The following MIGA1 variants were observed in gnomAD, a reference collection of about 807,000 sequenced individuals.
MIGA1 encodes family with sequence similarity 73, member A.
A neutral mutation model predicts 82.0 loss-of-function variants in MIGA1; 58 were observed. That is an observed-to-expected ratio of 0.71 (90% CI 0.57 to 0.88). The LOEUF (loss-of-function observed/expected upper bound fraction) is 0.88, where lower values mean the gene tolerates loss of function less well. Ranked by LOEUF, MIGA1 falls within the 40% of genes least tolerant of loss-of-function variation. The pLI, the probability that MIGA1 is intolerant of heterozygous loss-of-function variation, is 0.00. For synonymous variants in MIGA1, 249 were observed against 253.6 expected (o/e 0.98, Z 0.17); for missense variants, 751 against 749.1 (o/e 1.00, Z -0.03).
intron 7 of MIGA1, among the ~76,000 whole-genome samples, chr1:77,831,010 G>A (rs971007815): frequency 7.9e-5 from 12 of 152,194 alleles, no homozygotes; most frequent in Middle Eastern, 3.4e-3. Context: ...CTTCAATACC[G>A]AGCAATTAGA....
intron 8 of MIGA1, among the ~76,000 whole-genome samples, chr1:77,856,762 C>G (rs1422009468): frequency 6.6e-6 from 1 of 152,088 alleles, no homozygotes; most frequent in Non-Finnish European, 1.5e-5. Flanking sequence ...GGGATTTTCT[C>G]TCATCTTTTC....
chr1:77,844,113 A>AAAAATATAT (rs1296124524), intron 8 of MIGA1, among the ~76,000 whole-genome samples: 22 of 90,126 alleles, frequency 2.4e-4, no homozygotes, highest in South Asian at 8.7e-4. Flanking sequence ...AAAAAAAAAA[A>AAAAATATAT]ATATATATAT....
intron 5 of MIGA1, among the ~76,000 whole-genome samples, chr1:77,809,191 C>T (rs1051785205): frequency 3.0e-4 from 46 of 152,192 alleles, no homozygotes; most frequent in African/African-American, 9.2e-4. Context: ...AAACTAGAGA[C>T]GCCACAGGGG....
intron 7 of MIGA1, among the ~76,000 whole-genome samples, chr1:77,828,656 C>CTGTT (rs996102048): frequency 7.9e-5 from 12 of 151,976 alleles, no homozygotes; most frequent in African/African-American, 2.9e-4. Flanking sequence ...GCCAGTAAGT[C>CTGTT]TGTTTGTCTT....
rs533917334 is a variant in MIGA1, at chr1:77,806,545, A to C, written c.511-430A>C. ...AATGATTTGCTCAGTGGACCTTGCTAGGAGAGGGCATTTACAAAGATGATA... is the reference window on the plus strand; with the variant it reads ...AATGATTTGCTCAGTGGACCTTGCTCGGAGAGGGCATTTACAAAGATGATA... On this transcript the variant is annotated intron_variant, in intron 4 of 15. Transcript: ENST00000370791. Among the ~76,000 whole-genome samples the C allele has an allele frequency of 1.2e-4, 19 of 152,346 alleles. No individual in the cohort carries two copies. In the South Asian group the frequency reaches 3.9e-3, roughly 32 times the overall value.
chr1:77,779,740 C>G lies in MIGA1; in HGVS notation c.81+4C>G. 1.9e-6 allele frequency: 3 copies of G among 1,565,740 alleles called. No individual in the cohort carries two copies. The South Asian group carries it at 3.5e-5, about 18-fold the overall frequency. On this transcript the variant is annotated splice_donor_region_variant and intron_variant, in intron 1 of 15. Transcript: ENST00000370791. Reference sequence around the variant, plus strand: ...TGTACCTGGCCTGGAGCTCCAGGTACAGGGCCAGGGGCGGGGTGGGGTGGA... The same window carrying G: ...TGTACCTGGCCTGGAGCTCCAGGTAGAGGGCCAGGGGCGGGGTGGGGTGGA...
In MIGA1 at chr1:77,822,842, T is replaced by G. The variant is rs538159462; in HGVS notation, c.895+7611T>G. Among the ~76,000 whole-genome samples, 8 of 149,452 alleles carry G rather than the reference T, an allele frequency of 5.4e-5. No homozygotes were observed. The East Asian group carries it at 1.4e-3, about 25-fold the overall frequency. On this transcript the variant is annotated intron_variant, in intron 7 of 15. Coordinates refer to ENST00000370791, the MANE Select transcript of MIGA1 (RefSeq NM_198549.4). ...TTTAAATCCTTTCAGCATGTTTTTT[T>G]TTTTTTTTTTTTTTTTCCGAGACAG...
rs1243062263 is a variant in MIGA1 at position 77,802,621 on chromosome 1, T to TA, written c.374-642dup. 2.0e-5 allele frequency among the ~76,000 whole-genome samples: 3 copies of TA among 151,746 alleles called. No individual in the cohort carries two copies. The East Asian group carries it at 5.8e-4, about 29-fold the overall frequency. ...GACCACATCTTTACAAAAATAACAA[T>TA]AAAAAAATTGTTTTTTTTGGTGTGG... On this transcript the variant is annotated intron_variant, in intron 3 of 15. Coordinates refer to ENST00000370791, the MANE Select transcript of MIGA1 (RefSeq NM_198549.4).
intron 15 of MIGA1, among the ~76,000 whole-genome samples, 180 bp from the exon 16 acceptor site, chr1:77,874,666 G>A (rs1646879699): frequency 6.6e-6 from 1 of 151,930 alleles, no homozygotes; most frequent in African/African-American, 2.4e-5. Context: ...AAAAGAAAAT[G>A]AGCCCCCAAA....
chr1:77,785,616 T>C (rs1002781701), intron 2 of MIGA1, among the ~76,000 whole-genome samples: 2 of 152,170 alleles, frequency 1.3e-5, no homozygotes, highest in Admixed American at 1.3e-4. Flanking sequence ...GTACTGGGAT[T>C]ACAGGTGTGA....
intron 8 of MIGA1, chr1:77,848,618 G>T (rs925133717): frequency 1.3e-6 from 2 of 1,488,852 alleles, no homozygotes; most frequent in Non-Finnish European, 1.9e-6. Flanking sequence ...TCATCACTGG[G>T]AGCAAAACAC....
intron 7 of MIGA1, among the ~76,000 whole-genome samples, chr1:77,829,733 A>G (rs1197944263): frequency 6.6e-6 from 1 of 152,080 alleles, no homozygotes; most frequent in African/African-American, 2.4e-5. Context: ...GGCCTCCCAA[A>G]GTCCTGAGAT....
intron 7 of MIGA1, among the ~76,000 whole-genome samples, chr1:77,825,503 T>G (rs1683996126): frequency 6.6e-6 from 1 of 152,190 alleles, no homozygotes; most frequent in Admixed American, 6.6e-5. Context: ...TCAGGTGCCA[T>G]TCTGTGTTGC....
chr1:77,815,828 C>CA (rs1478391356), intron 7 of MIGA1, among the ~76,000 whole-genome samples: 1 of 152,198 alleles, frequency 6.6e-6, no homozygotes. Flanking sequence ...CTATTGGGCT[C>CA]AAGTGATCCA....
intron 12 of MIGA1, among the ~76,000 whole-genome samples, chr1:77,862,853 A>G (rs1166537961): frequency 1.3e-5 from 2 of 151,588 alleles, no homozygotes. Context: ...AGGCAAGAGA[A>G]TCACTTGAAC....
At chr1:77,835,673 T>A (rs1277035338) in intron 7 of MIGA1, among the ~76,000 whole-genome samples, 1 of 152,106 alleles carries the variant, frequency 6.6e-6, no homozygotes, top group African/African-American at 2.4e-5. Flanking sequence ...ATAAGCCAGG[T>A]GTGGTGGCTC....
rs34607167 is a variant in MIGA1 at position 77,839,218 on chromosome 1, A to AAAT, written c.896-4068_896-4066dup. Among the ~76,000 whole-genome samples, 978 of 151,312 alleles carry AAAT rather than the reference A, an allele frequency of 6.5e-3. 7 individuals are homozygous for AAAT. The highest frequency in any genetic ancestry group is 6.4e-3 in the Non-Finnish European group (437 of 67,796). ...TCCACTGACCGTACATCCTCGACCA[A>AAAT]AATAATAATAATAATAATAATAACC... On this transcript the variant is annotated intron_variant, in intron 7 of 15. Coordinates refer to ENST00000370791, the MANE Select transcript of MIGA1 (RefSeq NM_198549.4).
chr1:77,825,656 T>A (rs1684001897), intron 7 of MIGA1, among the ~76,000 whole-genome samples: 1 of 152,254 alleles, frequency 6.6e-6, no homozygotes, highest in East Asian at 1.9e-4. Context: ...TTTCCATTAT[T>A]GTGCAAGTTC....
chr1:77,843,529 C>A, intron 8 of MIGA1, 122 bp downstream of exon 8: 1 of 672,464 alleles, frequency 1.5e-6, no homozygotes. Context: ...GTGGTAGGTG[C>A]CAGGATACAA....
Sources: allele counts gnomAD v4.1 joint callset (sites outside exome capture counted in the v4.1 genomes callset), GRCh38; gene constraint gnomAD v4.1.1; transcripts MANE v1.5; gene names NCBI Gene and HGNC (gene_info 2026-07-23, HGNC 2026-07-21).